Variants in BCAS3 observed in about 807,000 individuals in gnomAD.
BCAS3 encodes BCAS3 microtubule associated cell migration factor.
BCAS3 carries 53 observed loss-of-function variants against 116.1 expected under a neutral mutation model. The observed-to-expected ratio is 0.46, with a 90% CI of 0.37 to 0.57. The LOEUF is 0.57. Among genes scored for constraint, BCAS3 ranks in the 20% least tolerant of loss-of-function variants. BCAS3 has a pLI of 0.00. For synonymous variants in BCAS3, 391 were observed against 408.2 expected (o/e 0.96, Z 0.51); for missense variants, 917 against 1,165.4 (o/e 0.79, Z 3.10).
intron 22 of BCAS3, among the ~76,000 whole-genome samples, chr17:61,340,425 G>A (rs1362261846): frequency 6.6e-6 from 1 of 152,112 alleles, no homozygotes; most frequent in African/African-American, 2.4e-5. Flanking sequence ...TCCACTGAAA[G>A]CGAGAATGGT....
intron 4 of BCAS3, among the ~76,000 whole-genome samples, chr17:60,706,180 A>C (rs1409688275): frequency 6.6e-6 from 1 of 151,970 alleles, no homozygotes; most frequent in Non-Finnish European, 1.5e-5. Flanking sequence ...CTTCTGCTTC[A>C]GCCTCCCGAG....
At chr17:61,054,977 C>T (rs1466614192) in intron 19 of BCAS3, among the ~76,000 whole-genome samples, 5 of 152,168 alleles carry the variant, frequency 3.3e-5, no homozygotes, top group African/African-American at 1.2e-4. Flanking sequence ...CAGAACTCTG[C>T]TCCTGATGTC....
intron 14 of BCAS3, among the ~76,000 whole-genome samples, chr17:60,974,333 T>C (rs1221742452): frequency 6.6e-6 from 1 of 152,222 alleles, no homozygotes; most frequent in Non-Finnish European, 1.5e-5. Flanking sequence ...TCATATGTAC[T>C]TTGACTTCAA....
At chr17:61,191,373 A>T (rs1244286700) in intron 22 of BCAS3, among the ~76,000 whole-genome samples, 1 of 152,250 alleles carries the variant, frequency 6.6e-6, no homozygotes, top group African/African-American at 2.4e-5. Flanking sequence ...TAAAACAATT[A>T]AAAAATTTAA....
At chr17:61,341,389 C>T (rs1262651304) in intron 22 of BCAS3, among the ~76,000 whole-genome samples, 1 of 152,148 alleles carries the variant, frequency 6.6e-6, no homozygotes, top group Admixed American at 6.5e-5. Flanking sequence ...CCAAATACGG[C>T]AGTTTAGAAT....
At chr17:61,001,234 G>T (rs1165145121) in intron 15 of BCAS3, among the ~76,000 whole-genome samples, 1 of 152,096 alleles carries the variant, frequency 6.6e-6, no homozygotes, top group African/African-American at 2.4e-5. Context: ...TGGACTTGGA[G>T]CCTCCATATT....
chr17:61,086,894 T>C, intron 22 of BCAS3: 6 of 985,262 alleles, frequency 6.1e-6, no homozygotes, highest in Non-Finnish European at 7.2e-6. Context: ...TGTTAACGCA[T>C]TTTTTGAGTG....
chr17:61,035,996 A>T (rs1335079423), intron 17 of BCAS3, among the ~76,000 whole-genome samples: 1 of 152,140 alleles, frequency 6.6e-6, no homozygotes, highest in Non-Finnish European at 1.5e-5. Flanking sequence ...CTGAACTCGC[A>T]CCTAAGGAGG....
intron 14 of BCAS3, among the ~76,000 whole-genome samples, chr17:60,970,739 G>A (rs1003752820): frequency 5.3e-5 from 8 of 152,094 alleles, no homozygotes; most frequent in African/African-American, 1.9e-4. Context: ...CTAAAACTGA[G>A]TTTTAAAATA....
At chr17:60,726,445 C>T (rs190055270) in intron 5 of BCAS3, among the ~76,000 whole-genome samples, 2 of 151,930 alleles carry the variant, frequency 1.3e-5, no homozygotes, top group East Asian at 3.9e-4. Flanking sequence ...GGTGATCTGC[C>T]CGCCTTGGCC....
chr17:61,337,766 T>G lies in BCAS3; in HGVS notation c.2426-30561T>G, dbSNP rs2056838625. ...TTAAAGTGTCCACTAGGTTCTTGGC[T>G]GAAACCTTTCAGCATTTCACAAGGT... On this transcript the variant is annotated intron_variant, in intron 22 of 23. Coordinates refer to ENST00000407086, the MANE Select transcript of BCAS3 (RefSeq NM_017679.5). This position sits in a 1 kb window ranked among gnomAD's most constrained non-coding sequence, Gnocchi z 4.8. 6.6e-6 allele frequency among the ~76,000 whole-genome samples: 1 copy of G among 152,210 alleles called. No individual in the cohort carries two copies. Among genetic ancestry groups the G allele is most frequent in the Admixed American group, 6.5e-5 (1 of 15,284 alleles).
rs138060782 is a variant in BCAS3 at position 61,018,095 on chromosome 17, T to G, written c.1637+2194T>G. Among the ~76,000 whole-genome samples the G allele has an allele frequency of 4.6e-5, 7 of 152,266 alleles. No homozygotes were observed. The East Asian group carries it at 1.4e-3, about 29-fold the overall frequency. ...CATATTGTTTACTAGGCTTTGTATCTCAATTTATACCATTTTATTTCTGCC... is the reference window on the plus strand; with the variant it reads ...CATATTGTTTACTAGGCTTTGTATCGCAATTTATACCATTTTATTTCTGCC... On this transcript the variant is annotated intron_variant, in intron 16 of 23. Transcript: ENST00000407086.
chr17:60,788,293 A>G (rs1330783169), intron 6 of BCAS3, among the ~76,000 whole-genome samples: 1 of 152,178 alleles, frequency 6.6e-6, no homozygotes, highest in Non-Finnish European at 1.5e-5. Flanking sequence ...TACTACAAGA[A>G]TTTGGACAAG....
intron 22 of BCAS3, among the ~76,000 whole-genome samples, chr17:61,242,242 C>T (rs990587774): frequency 6.7e-6 from 1 of 148,620 alleles, no homozygotes; most frequent in Non-Finnish European, 1.5e-5. Context: ...CACCATTGCA[C>T]TCCATCCTGG....
intron 6 of BCAS3, among the ~76,000 whole-genome samples, chr17:60,776,727 A>T (rs968571993): frequency 2.0e-5 from 3 of 151,734 alleles, no homozygotes; most frequent in African/African-American, 7.3e-5. Flanking sequence ...TCAAAAAAAA[A>T]AAAAAAAAAA....
chr17:60,950,840 A>G (rs999050945), intron 14 of BCAS3, among the ~76,000 whole-genome samples: 1 of 152,184 alleles, frequency 6.6e-6, no homozygotes, highest in Non-Finnish European at 1.5e-5. Context: ...AATAGGAAGC[A>G]AAAACAACAC....
chr17:60,996,558 A>G (rs1250621370), intron 15 of BCAS3, among the ~76,000 whole-genome samples: 1 of 152,100 alleles, frequency 6.6e-6, no homozygotes, highest in Admixed American at 6.5e-5. Flanking sequence ...CAGGATCAGG[A>G]ATTTTGGACA....
intron 14 of BCAS3, among the ~76,000 whole-genome samples, chr17:60,957,933 T>C (rs1490200586): frequency 6.6e-6 from 1 of 152,216 alleles, no homozygotes. Flanking sequence ...AAGAGCTGGA[T>C]TAACCCTCCT....
At chr17:60,787,098 C>T (rs2046345706) in intron 6 of BCAS3, among the ~76,000 whole-genome samples, 1 of 152,064 alleles carries the variant, frequency 6.6e-6, no homozygotes. Flanking sequence ...GTCATGCAAA[C>T]AGTTTATATT....
Sources: allele counts gnomAD v4.1 joint callset (sites outside exome capture counted in the v4.1 genomes callset), GRCh38; gene constraint gnomAD v4.1.1; non-coding constraint Gnocchi (gnomAD v3.1); transcripts MANE v1.5; gene names NCBI Gene and HGNC (gene_info 2026-07-23, HGNC 2026-07-21).